Variants in TNK2 observed in about 807,000 individuals in gnomAD.
TNK2 encodes the protein tyrosine kinase non receptor 2, also known as activated CDC42 kinase 1.
TNK2 carries 83 observed loss-of-function variants against 101.8 expected under a neutral mutation model. That is an observed-to-expected ratio of 0.82 (90% confidence interval 0.68 to 0.98). The LOEUF (loss-of-function observed/expected upper bound fraction) is 0.98. TNK2 is among the 50% of genes least tolerant of loss of function. TNK2 has a pLI of 0.00. For missense variants in TNK2, 1,665 were observed against 1,483.2 expected (o/e 1.12, Z -2.01); for synonymous variants, 804 against 633.0 (o/e 1.27, Z -4.06).
rs148060819 is a variant in TNK2 at position 195,883,169 on chromosome 3, C to T, written c.597G>A (p.Pro199=). 1.2e-5 allele frequency: 19 copies of T among 1,604,882 alleles called. No homozygotes were observed. Among genetic ancestry groups the T allele is most frequent in the African/African-American group, 1.1e-4 (8 of 74,796 alleles). The change falls in exon 5 of 16, where the codon CCG becomes CCA. Residue 199 remains proline, a synonymous_variant. Coordinates refer to ENST00000672887, the MANE Select transcript of TNK2 (RefSeq NM_001382273.1). Reference sequence around the variant, plus strand: ...CCGCAGTACTCACCATCTTCATGGGCGGCGTGAGCACCACCCCGTAGAGGC... The same window carrying T: ...CCGCAGTACTCACCATCTTCATGGGTGGCGTGAGCACCACCCCGTAGAGGC... ...LIRLYGVVLT[P]PMKMVTELAP... is the part of the protein sequence containing the mutation.
intron 1 of TNK2, among the ~76,000 whole-genome samples, chr3:195,907,582 C>A (rs776445119): frequency 8.5e-5 from 13 of 152,220 alleles, no homozygotes; most frequent in Non-Finnish European, 1.9e-4. Context: ...GAGTAAGGCC[C>A]ACAAGCAGCC....
At chr3:195,879,299 T>C in intron 6 of TNK2, 124 bp from the exon 7 acceptor site, 1 of 1,461,032 alleles carries the variant, frequency 6.8e-7, no homozygotes, top group Non-Finnish European at 9.2e-7. Flanking sequence ...CAACAGTGGG[T>C]CTCAGGGGCG....
chr3:195,878,938 C>A lies in TNK2; in HGVS notation c.1014+111G>T, dbSNP rs1250085354. The A allele has an allele frequency of 6.0e-6, 9 of 1,507,758 alleles. No homozygotes were observed. Among genetic ancestry groups the A allele is most frequent in the Non-Finnish European group, 6.3e-6 (7 of 1,115,744 alleles). 93.4% of individuals were successfully genotyped at this position (1,507,758 alleles called of 1,614,324 possible). The stretch of plus-strand genomic sequence containing the variant: ...ACGGGAAGTGGGGGGAGGCACGGGG[C>A]GTGGGAGGAGGGAGTCCATTGGTGA... On this transcript the variant is annotated intron_variant, in intron 7 of 15. Coordinates refer to ENST00000672887, the MANE Select transcript of TNK2 (RefSeq NM_001382273.1). The surrounding 1 kb of genome is among the most constrained non-coding windows in gnomAD (Gnocchi z 4.7).
intron 1 of TNK2, among the ~76,000 whole-genome samples, chr3:195,901,016 A>C (rs1335567737): frequency 6.6e-6 from 1 of 152,236 alleles, no homozygotes; most frequent in Non-Finnish European, 1.5e-5. Context: ...CATTCAGTCT[A>C]CAAGATACAC....
Position 195,868,016 on chromosome 3 carries a change from G to A in TNK2, c.2282C>T (p.Pro761Leu), listed in dbSNP as rs1576988954. The A allele has an allele frequency of 1.9e-6, 3 of 1,582,512 alleles. No individual in the cohort carries two copies. The highest frequency in any genetic ancestry group is 2.7e-5 in the African/African-American group (2 of 74,402). The change falls in exon 13 of 16, where the codon CCC (proline) becomes CTC (leucine). Residue 761 changes from proline to leucine, a missense_variant. Pro to Leu is a moderately conservative substitution (Grantham distance 98). This residue lies in a region of TNK2 where 1,136 missense variants were observed against 894.9 expected (regional missense o/e 1.27). Coordinates refer to ENST00000672887, the MANE Select transcript of TNK2 (RefSeq NM_001382273.1). The part of the protein sequence containing the change: ...KPQVPPRVPI[P>L]PRPTRPHVQL... ...GACGTGTGGGCGCGTGGGCCGAGGG[G>A]GGATGGGTACCCGAGGAGGCACCTG...
At chr3:195,900,749 G>A (rs553836623) in intron 1 of TNK2, among the ~76,000 whole-genome samples, 2 of 152,216 alleles carry the variant, frequency 1.3e-5, no homozygotes, top group African/African-American at 4.8e-5. Flanking sequence ...TGCCTGTCCT[G>A]CCCATGCACT....
intron 6 of TNK2, 62 bp from the exon 7 acceptor site, chr3:195,879,237 G>T: frequency 6.3e-7 from 1 of 1,598,614 alleles, no homozygotes. Flanking sequence ...CCGCCCCAGG[G>T]ACTTAAAACA....
rs771560811 is a variant in TNK2 at position 195,870,211 on chromosome 3, G to C, written c.1452-6C>G. 1 of 1,596,738 alleles carries C rather than the reference G, an allele frequency of 6.3e-7. No homozygotes were observed. Among genetic ancestry groups the C allele is most frequent in the Non-Finnish European group, 8.5e-7 (1 of 1,170,936 alleles). ...TGGGGTTTCCCAGATACAGTCTGTGGGGGAGAGAGCTGGGTCAAGAGAGCA... is the reference window on the plus strand; with the variant it reads ...TGGGGTTTCCCAGATACAGTCTGTGCGGGAGAGAGCTGGGTCAAGAGAGCA... On this transcript the variant is annotated splice_polypyrimidine_tract_variant and splice_region_variant and intron_variant, in intron 10 of 15. Transcript: ENST00000672887.
At position 195,882,009 on chromosome 3, in the gene TNK2, G is replaced by T; in HGVS notation, c.887+42C>A. On this transcript the variant is annotated intron_variant, in intron 6 of 15. Coordinates refer to ENST00000672887, the MANE Select transcript of TNK2 (RefSeq NM_001382273.1). The surrounding 1 kb of genome is among the most constrained non-coding windows in gnomAD (Gnocchi z 4.2). ...AAAGCCCCAGAAGCTTTGAGGCCTG[G>T]GTCTGCAGGGACTCTGTGAGCTGGC... The T allele has an allele frequency of 6.3e-7, 1 of 1,581,158 alleles. No homozygotes were observed. The highest frequency in any genetic ancestry group is 8.6e-7 in the Non-Finnish European group (1 of 1,160,922).
chr3:195,882,648 A>G lies in TNK2; in HGVS notation c.610-320T>C, dbSNP rs1040047159. ...CGAGGTGGGTGGATCATTTGAGGTC[A>G]GGAGTTTGAGACCAGCCTGGCCAAC... On this transcript the variant is annotated intron_variant, in intron 5 of 15. Transcript: ENST00000672887. This position sits in a 1 kb window ranked among gnomAD's most constrained non-coding sequence, Gnocchi z 4.2. 4.0e-5 allele frequency: 30 copies of G among 754,374 alleles called. No homozygotes were observed. The highest frequency in any genetic ancestry group is 6.1e-5 in the Non-Finnish European group (30 of 494,956). The allele number at this position is 754,374 out of a possible 1,614,324, so 46.7% of individuals were successfully genotyped here. A position where few individuals can be genotyped will look rare whatever the true frequency, so the allele number is the denominator to read the frequency against.
At chr3:195,906,196 C>G (rs1035133859) in intron 1 of TNK2, among the ~76,000 whole-genome samples, 2 of 152,170 alleles carry the variant, frequency 1.3e-5, no homozygotes, top group East Asian at 3.8e-4. Context: ...AAGACATGGA[C>G]AAACCAGAAC....
chr3:195,905,477 G>A, intron 1 of TNK2, among the ~76,000 whole-genome samples: 1 of 152,042 alleles, frequency 6.6e-6, no homozygotes, highest in East Asian at 1.9e-4. Context: ...GGGATTAGAG[G>A]AGTGAGCCAC....
intron 11 of TNK2, 82 bp downstream of exon 11, chr3:195,870,032 G>C: frequency 2.7e-6 from 3 of 1,111,778 alleles, no homozygotes; most frequent in Non-Finnish European, 3.8e-6. Flanking sequence ...CAGAACAGCA[G>C]CCTTAGGGTG....
Position 195,872,567 on chromosome 3 carries a change from A to C in TNK2, c.1257-97T>G, listed in dbSNP as rs1452402896. The C allele has an allele frequency of 2.3e-6, 3 of 1,312,864 alleles. No individual in the cohort carries two copies. In the East Asian group the frequency reaches 7.5e-5, roughly 33 times the overall value. 81.3% of individuals were successfully genotyped at this position (1,312,864 alleles called of 1,614,324 possible). ...CCCTGGCCACTGTGGCAGAAGGGGG[A>C]TGGAGCTCAGGCCTCAGGACCAGGC... On this transcript the variant is annotated intron_variant, in intron 9 of 15. Coordinates refer to ENST00000672887, the MANE Select transcript of TNK2 (RefSeq NM_001382273.1).
At position 195,867,729 on chromosome 3, in the gene TNK2, G is replaced by C. The variant is rs780578357; in HGVS notation, c.2569C>G (p.Pro857Ala). Residue 857 changes from proline (P) to alanine (A), a missense_variant, in exon 13 of 16, where the codon CCC becomes GCC. By Grantham distance (27) the Pro-to-Ala change is conservative. Coordinates refer to ENST00000672887, the MANE Select transcript of TNK2 (RefSeq NM_001382273.1). ...VIQAPGPRAG[P>A]CILPIVRDGK... ...TCCCGGACGATGGGCAGGATGCAGG[G>C]ACCAGCCCGCGGGCCAGGGGCCTGG... is the stretch of plus-strand genomic sequence containing the variant. 6.2e-7 allele frequency: 1 copy of C among 1,604,526 alleles called. No individual in the cohort carries two copies. Among genetic ancestry groups the C allele is most frequent in the East Asian group, 2.2e-5 (1 of 44,806 alleles).
intron 9 of TNK2, among the ~76,000 whole-genome samples, chr3:195,873,239 C>T (rs1746675056): frequency 6.6e-6 from 1 of 152,234 alleles, no homozygotes; most frequent in Admixed American, 6.5e-5. Context: ...CACGAAACCT[C>T]TGCTGATGTG....
At chr3:195,871,808 G>C (rs760254540) in intron 10 of TNK2, among the ~76,000 whole-genome samples, 1 of 152,214 alleles carries the variant, frequency 6.6e-6, no homozygotes, top group Non-Finnish European at 1.5e-5. Context: ...CCCTTATTGG[G>C]GGGGTGAACC....
In TNK2 at chr3:195,868,195, G is replaced by A. The variant is rs757800213; in HGVS notation, c.2103C>T (p.Asn701=). Residue 701 remains asparagine (N), a synonymous_variant, in exon 13 of 16, where the codon AAC becomes AAT. Transcript: ENST00000672887. ...CCCCACCCTGGGGCGGGAGGAACAG[G>A]TTGTCCTCCAGGGGAGGGGGCGGCC... The part of the protein sequence containing the change: ...QARPPPPLED[N]LFLPPQGGGK... The A allele has an allele frequency of 2.3e-5, 37 of 1,609,202 alleles. No homozygotes were observed. The highest frequency in any genetic ancestry group is 3.1e-5 in the Non-Finnish European group (36 of 1,178,946).
At position 195,900,137 on chromosome 3, in the gene TNK2, G is replaced by C. The variant is rs542444166; in HGVS notation, c.-19+8348C>G. Among the ~76,000 whole-genome samples, 7 of 152,232 alleles carry C rather than the reference G, an allele frequency of 4.6e-5. No homozygotes were observed. The South Asian group carries it at 1.5e-3, about 32-fold the overall frequency. ...TCAGGCAGAGGGAGAGCCTGACATT[G>C]GTCTTAAGGAAGGTGCCTTCTCATC... On this transcript the variant is annotated intron_variant, in intron 1 of 15. Coordinates refer to ENST00000672887, the MANE Select transcript of TNK2 (RefSeq NM_001382273.1).
Sources: gnomAD v4.1 joint callset for allele counts (sites outside exome capture counted in the v4.1 genomes callset) on GRCh38, gnomAD v4.1.1 for gene constraint, gnomAD v4.1.1 regional missense constraint, Gnocchi (gnomAD v3.1) non-coding constraint, MANE v1.5 for transcripts, NCBI Gene and HGNC (gene_info 2026-07-23, HGNC 2026-07-21) for gene names.